ENTREP2: variants seen among roughly 807,000 people sequenced by gnomAD.
ENTREP2 encodes the protein endosomal transmembrane epsin interactor 2, also known as protein ENTREP2.
At chr15:29,229,313 G>A in the ENTREP2 span, among the ~76,000 whole-genome samples, 8 of 152,180 alleles carry the variant, frequency 5.3e-5, no homozygotes, top group African/African-American at 1.7e-4. Flanking sequence ...AAATAATAGC[G>A]TATCTGGGGA....
At chr15:29,330,406 G>A in the ENTREP2 span, among the ~76,000 whole-genome samples, 3 of 152,094 alleles carry the variant, frequency 2.0e-5, no homozygotes, top group East Asian at 1.9e-4. Context: ...CCGAGATCAC[G>A]CCACTGCACT....
chr15:29,565,669 A>C, the ENTREP2 span, among the ~76,000 whole-genome samples: 7 of 152,236 alleles, frequency 4.6e-5, no homozygotes, highest in Non-Finnish European at 8.8e-5. Context: ...TAAAAAGAAA[A>C]GAAACATTTT....
chr15:29,648,320 C>T, the ENTREP2 span, among the ~76,000 whole-genome samples: 2 of 152,128 alleles, frequency 1.3e-5, no homozygotes, highest in East Asian at 1.9e-4. Context: ...TTATCCTTGT[C>T]GCACCATTAA....
the ENTREP2 span, among the ~76,000 whole-genome samples, chr15:29,528,429 C>A: frequency 6.6e-6 from 1 of 152,248 alleles, no homozygotes; most frequent in South Asian, 2.1e-4. Context: ...GCTCCCCACT[C>A]CCAGTAGAAA....
At chr15:29,223,517 A>G in the ENTREP2 span, among the ~76,000 whole-genome samples, 1,566 of 152,332 alleles carry the variant, frequency 0.01, 25 homozygotes, top group African/African-American at 0.035. Context: ...AGACACACAT[A>G]CATGGGTTGA....
chr15:29,201,450 C>T, the ENTREP2 span, among the ~76,000 whole-genome samples: 9 of 152,236 alleles, frequency 5.9e-5, no homozygotes, highest in South Asian at 1.9e-3. Context: ...GTTCTCTATG[C>T]CTATTTTTCT....
the ENTREP2 span, among the ~76,000 whole-genome samples, chr15:29,396,193 C>G: frequency 6.6e-6 from 1 of 152,170 alleles, no homozygotes; most frequent in Admixed American, 6.5e-5. Context: ...CTATGCTGTA[C>G]ATTACGTCTC....
the ENTREP2 span, among the ~76,000 whole-genome samples, chr15:29,576,091 G>A: frequency 1.2e-4 from 19 of 152,138 alleles, no homozygotes; most frequent in African/African-American, 4.3e-4. Context: ...TACCACAAAG[G>A]TATAGTAATC....
the ENTREP2 span, chr15:29,151,757 C>A: frequency 6.4e-7 from 1 of 1,551,848 alleles, no homozygotes; most frequent in Non-Finnish European, 8.7e-7. Flanking sequence ...TCGGAGGAGA[C>A]CATCTGCATA....
the ENTREP2 span, among the ~76,000 whole-genome samples, chr15:29,452,308 TG>T: frequency 6.6e-6 from 1 of 152,050 alleles, no homozygotes; most frequent in Non-Finnish European, 1.5e-5. Context: ...AAGTGGATAT[TG>T]GGAATCCTGA....
the ENTREP2 span, among the ~76,000 whole-genome samples, chr15:29,236,026 A>G: frequency 6.6e-6 from 1 of 152,290 alleles, no homozygotes; most frequent in Non-Finnish European, 1.5e-5. Context: ...TCATAAAGAC[A>G]AAAGTACAAA....
chr15:29,270,145 G>C, the ENTREP2 span, among the ~76,000 whole-genome samples: 3 of 152,002 alleles, frequency 2.0e-5, no homozygotes, highest in Non-Finnish European at 4.4e-5. Flanking sequence ...AAGGTGAAGA[G>C]GAAGGGCCGA....
At chr15:29,533,879 G>A in the ENTREP2 span, among the ~76,000 whole-genome samples, 1 of 152,092 alleles carries the variant, frequency 6.6e-6, no homozygotes, top group African/African-American at 2.4e-5. Context: ...GCAGACCCCA[G>A]TAGGCCCAAA....
At chr15:29,158,310 T>C in the ENTREP2 span, among the ~76,000 whole-genome samples, 1 of 152,076 alleles carries the variant, frequency 6.6e-6, no homozygotes, top group Non-Finnish European at 1.5e-5. Flanking sequence ...GCTGTTTAAA[T>C]ACTTGATGTT....
the ENTREP2 span, among the ~76,000 whole-genome samples, chr15:29,197,690 C>T: frequency 1.1e-4 from 16 of 151,478 alleles, no homozygotes; most frequent in Admixed American, 1.1e-3. Context: ...CGCTTGAACC[C>T]AGGATGCGGA....
the ENTREP2 span, among the ~76,000 whole-genome samples, chr15:29,553,520 C>T: frequency 1.3e-5 from 2 of 152,180 alleles, no homozygotes; most frequent in African/African-American, 4.8e-5. Context: ...TGTCTTCCTC[C>T]CATCAAGAGG....
the ENTREP2 span, among the ~76,000 whole-genome samples, chr15:29,372,983 A>G: frequency 1.3e-5 from 2 of 152,162 alleles, no homozygotes; most frequent in African/African-American, 4.8e-5. Flanking sequence ...ACATAAAAAG[A>G]AAAATTAAAC....
the ENTREP2 span, chr15:29,121,549 A>C: frequency 2.8e-4 from 43 of 152,374 alleles, no homozygotes; most frequent in African/African-American, 1.0e-3. Flanking sequence ...GCTCGGCTCC[A>C]GGGCGGCCAT....
chr15:29,195,181 A>G, the ENTREP2 span: 1 of 985,118 alleles, frequency 1.0e-6, no homozygotes, highest in Admixed American at 6.2e-5. Flanking sequence ...TGCATCTGTC[A>G]CTCTGGTGAG....
Sources: allele counts gnomAD v4.1 joint callset (sites outside exome capture counted in the v4.1 genomes callset), GRCh38; gene constraint gnomAD v4.1.1; transcripts MANE v1.5; gene names NCBI Gene and HGNC (gene_info 2026-07-23, HGNC 2026-07-21).